The following GRID2 variants were observed in gnomAD, a reference collection of about 807,000 sequenced individuals.
GRID2 encodes the protein glutamate ionotropic receptor delta type subunit 2.
Under a neutral mutation model 114.8 loss-of-function variants are expected in GRID2, and 33 were observed. That is an observed-to-expected ratio of 0.29 (90% confidence interval 0.22 to 0.38). The LOEUF is 0.38. GRID2 is among the 10% of genes least tolerant of loss of function. The pLI is 1.00. For missense variants in GRID2, 1,184 were observed against 1,257.7 expected (o/e 0.94, Z 0.89); for synonymous variants, 505 against 449.9 (o/e 1.12, Z -1.55).
intron 2 of GRID2, among the ~76,000 whole-genome samples, chr4:92,876,869 A>G (rs1434157345): frequency 2.0e-5 from 3 of 152,232 alleles, no homozygotes; most frequent in African/African-American, 7.2e-5. Flanking sequence ...AAATTTAATC[A>G]TAAGTTATAA....
At chr4:93,663,201 A>T (rs1033781934) in intron 14 of GRID2, among the ~76,000 whole-genome samples, 1 of 152,232 alleles carries the variant, frequency 6.6e-6, no homozygotes, top group African/African-American at 2.4e-5. Context: ...AAACAAGGCC[A>T]TATCATCATC....
intron 2 of GRID2, among the ~76,000 whole-genome samples, chr4:92,831,180 T>C (rs979582856): frequency 1.3e-5 from 2 of 152,186 alleles, no homozygotes; most frequent in East Asian, 1.9e-4. Context: ...AAATAGACCA[T>C]GTAAAATGAA....
chr4:92,847,578 G>A (rs1204496038), intron 2 of GRID2, among the ~76,000 whole-genome samples: 1 of 151,934 alleles, frequency 6.6e-6, no homozygotes, highest in Non-Finnish European at 1.5e-5. Context: ...ATAACATAAA[G>A]AGATGTCTTC....
At chr4:93,363,154 T>C (rs1211984207) in intron 8 of GRID2, among the ~76,000 whole-genome samples, 1 of 152,098 alleles carries the variant, frequency 6.6e-6, no homozygotes, top group Non-Finnish European at 1.5e-5. Flanking sequence ...GAGATGAAGG[T>C]TGCAGTGAGC....
At chr4:92,345,574 G>C (rs1727724204) in intron 1 of GRID2, among the ~76,000 whole-genome samples, 1 of 152,170 alleles carries the variant, frequency 6.6e-6, no homozygotes, top group Non-Finnish European at 1.5e-5. Context: ...GTGTAAAAGT[G>C]TAGACACCAC....
intron 2 of GRID2, among the ~76,000 whole-genome samples, chr4:92,738,599 A>G (rs957128749): frequency 6.6e-6 from 1 of 152,106 alleles, no homozygotes; most frequent in Non-Finnish European, 1.5e-5. Context: ...ACTTGAACAG[A>G]CTTTTTGCTT....
chr4:93,203,557 A>T lies in GRID2; in HGVS notation c.736-3847A>T, dbSNP rs115797686. Among the ~76,000 whole-genome samples, 1,364 of 152,308 alleles carry T rather than the reference A, an allele frequency of 9.0e-3. 20 individuals are homozygous for T. The highest frequency in any genetic ancestry group is 0.031 in the African/African-American group (1,296 of 41,580). ...TATTGCATAATTTTGAAATCATGCC[A>T]TTATAAAATCACAGAATTAAAAGTT... is the stretch of plus-strand genomic sequence containing the variant. On this transcript the variant is annotated intron_variant, in intron 4 of 15. Coordinates refer to ENST00000282020, the MANE Select transcript of GRID2 (RefSeq NM_001510.4).
chr4:93,213,679 C>A (rs1477436646), intron 5 of GRID2, among the ~76,000 whole-genome samples: 1 of 152,126 alleles, frequency 6.6e-6, no homozygotes, highest in Non-Finnish European at 1.5e-5. Context: ...CAATCTTATT[C>A]ATTTCAACCT....
chr4:93,745,474 G>A (rs758500980), intron 14 of GRID2, among the ~76,000 whole-genome samples: 15 of 152,048 alleles, frequency 9.9e-5, no homozygotes, highest in Admixed American at 2.0e-4. Flanking sequence ...ATGACATTTT[G>A]TTTATGTCAG....
chr4:93,136,961 T>A (rs1049158683), intron 4 of GRID2, among the ~76,000 whole-genome samples: 3 of 152,210 alleles, frequency 2.0e-5, no homozygotes, highest in African/African-American at 7.2e-5. Flanking sequence ...AAATGTGGCC[T>A]CTTCTATTGC....
chr4:93,248,968 T>C (rs1579421513), intron 8 of GRID2, among the ~76,000 whole-genome samples: 1 of 152,212 alleles, frequency 6.6e-6, no homozygotes, highest in Admixed American at 6.5e-5. Context: ...AATTGATTGA[T>C]ACTTGTTCCT....
chr4:93,015,903 G>C (rs980463864), intron 2 of GRID2, among the ~76,000 whole-genome samples: 6 of 152,014 alleles, frequency 3.9e-5, no homozygotes, highest in Admixed American at 3.3e-4. Context: ...GAATGGACTT[G>C]TTGATGGCAG....
intron 8 of GRID2, among the ~76,000 whole-genome samples, chr4:93,312,175 A>C (rs761065208): frequency 6.6e-6 from 1 of 152,202 alleles, no homozygotes; most frequent in South Asian, 2.1e-4. Context: ...GGCACAGACC[A>C]TGGCCCTAAG....
chr4:92,703,123 CA>C (rs1472888136), intron 2 of GRID2, among the ~76,000 whole-genome samples: 5 of 152,068 alleles, frequency 3.3e-5, no homozygotes, highest in African/African-American at 1.2e-4. Context: ...GTAGAACAAT[CA>C]AGGTGGAAAT....
At chr4:93,658,868 C>G (rs1320844644) in intron 14 of GRID2, among the ~76,000 whole-genome samples, 1 of 152,098 alleles carries the variant, frequency 6.6e-6, no homozygotes, top group East Asian at 1.9e-4. Context: ...TATTTTTACT[C>G]AAAATTTGTG....
intron 2 of GRID2, among the ~76,000 whole-genome samples, chr4:92,862,402 CTTTT>C (rs766858469): frequency 6.6e-6 from 1 of 151,810 alleles, no homozygotes; most frequent in Non-Finnish European, 1.5e-5. Context: ...TGGGTGTAAT[CTTTT>C]TTTTATTTTC....
At chr4:93,069,567 C>A (rs950292203) in intron 2 of GRID2, among the ~76,000 whole-genome samples, 1 of 151,920 alleles carries the variant, frequency 6.6e-6, no homozygotes, top group East Asian at 1.9e-4. Context: ...TATGTAAAGC[C>A]GCTTTGAAGA....
intron 2 of GRID2, among the ~76,000 whole-genome samples, chr4:92,982,111 T>C (rs1754260354): frequency 6.6e-6 from 1 of 151,494 alleles, no homozygotes; most frequent in Non-Finnish European, 1.5e-5. Context: ...GGAGTCTCAT[T>C]TTTACTCCCC....
At chr4:93,416,686 G>A (rs1287476849) in intron 9 of GRID2, among the ~76,000 whole-genome samples, 1 of 151,998 alleles carries the variant, frequency 6.6e-6, no homozygotes, top group Non-Finnish European at 1.5e-5. Flanking sequence ...AGGAATTAAC[G>A]GCAAAATCTG....
Sources: allele counts gnomAD v4.1 joint callset (sites outside exome capture counted in the v4.1 genomes callset), GRCh38; gene constraint gnomAD v4.1.1; transcripts MANE v1.5; gene names NCBI Gene and HGNC (gene_info 2026-07-23, HGNC 2026-07-21).